The following ADRA1D variants were observed in gnomAD, a reference collection of about 807,000 sequenced individuals.
ADRA1D encodes the protein alpha-1D adrenergic receptor.
A neutral mutation model predicts 18.6 loss-of-function variants in ADRA1D; 22 were observed. That is an observed-to-expected ratio of 1.19 (90% confidence interval 0.85 to 1.69). The LOEUF (loss-of-function observed/expected upper bound fraction) is 1.69, where lower values mean the gene tolerates loss of function less well. Ranked by LOEUF, ADRA1D falls within the 40% of genes most tolerant of loss-of-function variation. The pLI, the probability that ADRA1D is intolerant of heterozygous loss-of-function variation, is 0.00. For synonymous variants in ADRA1D, 376 were observed against 388.2 expected, an observed-to-expected ratio of 0.97 and a Z score of 0.37; for missense variants, 840 against 840.7, an observed-to-expected ratio of 1.00 and a Z score of 0.01.
Position 4,248,382 on chromosome 20 carries a change from C to T in ADRA1D, c.576G>A (p.Val192=). ...ASILSLCTIS[V]DRYVGVRHSL... ...AGTGGCGCACGCCCACGTACCGGTC[C>T]ACGGAGATGGTGCAGAGGCTGAGGA... is the stretch of plus-strand genomic sequence containing the variant. The change falls in exon 1 of 2, where the codon GTG becomes GTA. Residue 192 remains valine, a synonymous_variant. Coordinates refer to ENST00000379453, the MANE Select transcript of ADRA1D (RefSeq NM_000678.4). 6.2e-7 allele frequency: 1 copy of T among 1,609,666 alleles called. No individual in the cohort carries two copies. Among genetic ancestry groups the T allele is most frequent in the Non-Finnish European group, 8.5e-7 (1 of 1,178,160 alleles).
At chr20:4,228,493 A>T (rs1980873392) in intron 1 of ADRA1D, among the ~76,000 whole-genome samples, 1 of 152,250 alleles carries the variant, frequency 6.6e-6, no homozygotes, top group South Asian at 2.1e-4. Flanking sequence ...CAAAGAGTCC[A>T]AGAATGTATG....
intron 1 of ADRA1D, among the ~76,000 whole-genome samples, chr20:4,238,076 C>A (rs1051483706): frequency 6.7e-6 from 1 of 150,154 alleles, no homozygotes; most frequent in South Asian, 2.1e-4. Context: ...GGTGAAACCC[C>A]CCCCGTCTCT....
At chr20:4,226,504 G>A (rs1203573989) in intron 1 of ADRA1D, among the ~76,000 whole-genome samples, 2 of 152,238 alleles carry the variant, frequency 1.3e-5, no homozygotes, top group African/African-American at 4.8e-5. Flanking sequence ...GGATGGCTAT[G>A]AAGAGCACAA....
intron 1 of ADRA1D, among the ~76,000 whole-genome samples, chr20:4,226,751 A>T (rs2122657200): frequency 6.6e-6 from 1 of 152,360 alleles, no homozygotes; most frequent in Admixed American, 6.5e-5. Context: ...GGCATCTGCC[A>T]CAACTTTGTT....
chr20:4,244,102 C>T (rs1981279121), intron 1 of ADRA1D, among the ~76,000 whole-genome samples: 1 of 152,176 alleles, frequency 6.6e-6, no homozygotes, highest in Non-Finnish European at 1.5e-5. Flanking sequence ...GCCAATGTTC[C>T]TCTGGAACTC....
intron 1 of ADRA1D, among the ~76,000 whole-genome samples, chr20:4,241,206 C>G (rs939382383): frequency 6.6e-6 from 1 of 152,130 alleles, no homozygotes. Context: ...TACTCAAATG[C>G]GTAGACTCAA....
Position 4,221,379 on chromosome 20 carries a change from A to G in ADRA1D, c.*144T>C. 1.1e-6 allele frequency: 1 copy of G among 913,476 alleles called. No homozygotes were observed. The highest frequency in any genetic ancestry group is 1.6e-6 in the Non-Finnish European group (1 of 619,670). The allele number at this position is 913,476 out of a possible 1,614,324, so 56.6% of individuals were successfully genotyped here. On this transcript the variant is annotated 3_prime_UTR_variant, in exon 2 of 2. Coordinates refer to ENST00000379453, the MANE Select transcript of ADRA1D (RefSeq NM_000678.4). ...AGGGCTCCAGCCTCAAGCTCTGCCC[A>G]GTTCCTCAGGGATGTCACAGAGCAG...
At position 4,247,861 on chromosome 20, in the gene ADRA1D, A is replaced by G. The variant is rs760704971; in HGVS notation, c.1097T>C (p.Phe366Ser). 6.4e-7 allele frequency: 1 copy of G among 1,561,416 alleles called. No individual in the cohort carries two copies. Among genetic ancestry groups the G allele is most frequent in the Non-Finnish European group, 8.7e-7 (1 of 1,154,376 alleles). ...VFVLCWFPFF[F>S]VLPLGSLFPQ... Reference sequence around the variant, plus strand: ...GGGTCACTCACCGAGCGGCAGGACAAAGAAGAAAGGGAACCAGCAGAGCAC... The same window carrying G: ...GGGTCACTCACCGAGCGGCAGGACAGAGAAGAAAGGGAACCAGCAGAGCAC... The change falls in exon 1 of 2, where the codon TTT becomes TCT. Residue 366 changes from phenylalanine (F) to serine (S), a missense_variant. By Grantham distance (155) the Phe-to-Ser change is radical (BLOSUM62 -2). Coordinates refer to ENST00000379453, the MANE Select transcript of ADRA1D (RefSeq NM_000678.4).
intron 1 of ADRA1D, among the ~76,000 whole-genome samples, chr20:4,223,746 T>C (rs1431854932): frequency 1.3e-5 from 2 of 152,226 alleles, no homozygotes; most frequent in African/African-American, 4.8e-5. Context: ...ATGCAACACT[T>C]TATTATAAAA....
rs554222350 is a variant in ADRA1D at position 4,241,413 on chromosome 20, G to A, written c.1111+6434C>T. On this transcript the variant is annotated intron_variant, in intron 1 of 1. Coordinates refer to ENST00000379453, the MANE Select transcript of ADRA1D (RefSeq NM_000678.4). Reference sequence around the variant, plus strand: ...TTACACTTAAAAGTGTGTTAAGAGGGTAGAGCTCATGCTATATGCTCTTGC... The same window carrying A: ...TTACACTTAAAAGTGTGTTAAGAGGATAGAGCTCATGCTATATGCTCTTGC... Among the ~76,000 whole-genome samples, 3 of 152,246 alleles carry A rather than the reference G, an allele frequency of 2.0e-5. No homozygotes were observed. The South Asian group carries it at 6.2e-4, about 32-fold the overall frequency.
intron 1 of ADRA1D, among the ~76,000 whole-genome samples, chr20:4,225,285 T>C (rs112706738): frequency 0.018 from 2,701 of 150,420 alleles, 78 homozygotes; most frequent in African/African-American, 0.061. Flanking sequence ...AAGCGTGAGC[T>C]ACCGTGCCTG....
At position 4,222,973 on chromosome 20, in the gene ADRA1D, G is replaced by A. The variant is rs999737711; in HGVS notation, c.1112-843C>T. On this transcript the variant is annotated intron_variant, in intron 1 of 1. Coordinates refer to ENST00000379453, the MANE Select transcript of ADRA1D (RefSeq NM_000678.4). The surrounding 1 kb of genome is among the most constrained non-coding windows in gnomAD (Gnocchi z 4.3). ...CTTTAATTGATAATATGATTCAAAC[G>A]AACATTAGCCGTCCCCACGGATATT... 6.6e-6 allele frequency among the ~76,000 whole-genome samples: 1 copy of A among 151,914 alleles called. No individual in the cohort carries two copies. The highest frequency in any genetic ancestry group is 6.6e-5 in the Admixed American group (1 of 15,256).
chr20:4,235,867 G>T (rs183296914), intron 1 of ADRA1D, among the ~76,000 whole-genome samples: 4 of 152,244 alleles, frequency 2.6e-5, no homozygotes, highest in Non-Finnish European at 5.9e-5. Context: ...CTGGGCTCAG[G>T]CGGGGGCAGA....
chr20:4,241,088 C>G (rs1981201185), intron 1 of ADRA1D, among the ~76,000 whole-genome samples: 1 of 151,968 alleles, frequency 6.6e-6, no homozygotes, highest in Non-Finnish European at 1.5e-5. Context: ...CAACCCACAA[C>G]AAGTAAAGAG....
intron 1 of ADRA1D, among the ~76,000 whole-genome samples, chr20:4,230,911 C>T (rs1600847488): frequency 6.6e-6 from 1 of 152,346 alleles, no homozygotes; most frequent in African/African-American, 2.4e-5. Flanking sequence ...TGTCCTTTCC[C>T]GTGCAACTAC....
rs1473656156 is a variant in ADRA1D at position 4,239,183 on chromosome 20, C to G, written c.1111+8664G>C. Among the ~76,000 whole-genome samples the G allele has an allele frequency of 2.0e-5, 3 of 152,030 alleles. No homozygotes were observed. The highest frequency in any genetic ancestry group is 4.4e-5 in the Non-Finnish European group (3 of 68,014). ...GTGTCATCATGGGTCAGCCTCAGTA[C>G]AGTGGAGTCACACTGATGACCAGGG... On this transcript the variant is annotated intron_variant, in intron 1 of 1. Coordinates refer to ENST00000379453, the MANE Select transcript of ADRA1D (RefSeq NM_000678.4). This position sits in a 1 kb window ranked among gnomAD's most constrained non-coding sequence, Gnocchi z 4.9.
rs947301259 is a variant in ADRA1D at position 4,221,773 on chromosome 20, G to A, written c.1469C>T (p.Pro490Leu). Residue 490 changes from proline to leucine, a missense_variant, in exon 2 of 2, where the codon CCA becomes CTA. Transcript: ENST00000379453. Reference sequence around the variant, plus strand: ...CCTCCACTCGCGGAAGGCGCTGGGTGGCTTTCGACGGCTGGCGACCGGAGC... The same window carrying A: ...CCTCCACTCGCGGAAGGCGCTGGGTAGCTTTCGACGGCTGGCGACCGGAGC... ...MQAPVASRRK[P>L]PSAFREWRLL... The A allele has an allele frequency of 6.3e-7, 1 of 1,586,824 alleles. No individual in the cohort carries two copies. The highest frequency in any genetic ancestry group is 1.1e-5 in the South Asian group (1 of 89,462).
chr20:4,241,490 A>T (rs1349050054), intron 1 of ADRA1D, among the ~76,000 whole-genome samples: 3 of 152,204 alleles, frequency 2.0e-5, no homozygotes, highest in Admixed American at 2.0e-4. Context: ...GTGCTTTGCC[A>T]CCCAGACCCT....
In ADRA1D at chr20:4,248,155, G is replaced by A. The variant is rs753418793; in HGVS notation, c.803C>T (p.Ala268Val). 17 of 1,579,636 alleles carry A rather than the reference G, an allele frequency of 1.1e-5. No individual in the cohort carries two copies. Among genetic ancestry groups the A allele is most frequent in the Non-Finnish European group, 1.4e-5 (16 of 1,162,798 alleles). ...GCGGCAGTACATGACCACGATGACC[G>A]CCATGGGCAGGTAGAAGGAGCACAC... is the stretch of plus-strand genomic sequence containing the variant. ...SSVCSFYLPM[A>V]VIVVMYCRVY... The change falls in exon 1 of 2, where the codon GCG becomes GTG. Residue 268 changes from alanine to valine, a missense_variant. Ala to Val is a moderately conservative substitution (Grantham distance 64, BLOSUM62 0). Transcript: ENST00000379453.
Sources: gnomAD v4.1 joint callset for allele counts (sites outside exome capture counted in the v4.1 genomes callset) on GRCh38, gnomAD v4.1.1 for gene constraint, Gnocchi (gnomAD v3.1) non-coding constraint, MANE v1.5 for transcripts, NCBI Gene and HGNC (gene_info 2026-07-23, HGNC 2026-07-21) for gene names.